MALAT1: variants seen among roughly 807,000 people sequenced by gnomAD.
MALAT1 encodes the protein metastasis associated lung adenocarcinoma transcript 1.
exon 3 of MALAT1, chr11:65,501,562 A>C (rs1462328558): frequency 1.9e-6 from 1 of 518,576 alleles, no homozygotes; most frequent in South Asian, 1.4e-5. Flanking sequence ...AGGGTGGGGG[A>C]GAAAATGTTT....
At chr11:65,502,711 C>T (rs1854578765) in exon 3 of MALAT1, 5 of 510,956 alleles carry the variant, frequency 9.8e-6, no homozygotes, top group Non-Finnish European at 1.9e-5. Flanking sequence ...GAAAACAGCT[C>T]CTTGGTGAAT....
intron 3 of MALAT1, chr11:65,504,463 A>G (rs906292295): frequency 5.8e-6 from 3 of 518,856 alleles, no homozygotes; most frequent in South Asian, 1.4e-5. Context: ...GTGTTCCCCA[A>G]TGCTTGGAGT....
chr11:65,504,025 A>G (rs772924377), intron 3 of MALAT1: 1 of 518,048 alleles, frequency 1.9e-6, no homozygotes, highest in South Asian at 1.4e-5. Context: ...TTGCATGTTA[A>G]CTTTAAATGC....
At chr11:65,498,899 G>A (rs746842464) in intron 2 of MALAT1, 5 of 518,336 alleles carry the variant, frequency 9.6e-6, no homozygotes, top group African/African-American at 1.9e-5. Flanking sequence ...AAGCTGTTAA[G>A]AAAAATCTAG....
chr11:65,504,873 G>GA (rs1565056665), intron 3 of MALAT1: 1 of 518,502 alleles, frequency 1.9e-6, no homozygotes, highest in Non-Finnish European at 3.9e-6. Context: ...GACCCAGTAA[G>GA]AAAAAATAGC....
At chr11:65,498,449 A>G (rs775814060) in intron 1 of MALAT1, 3 of 518,550 alleles carry the variant, frequency 5.8e-6, no homozygotes, top group South Asian at 2.8e-5. Flanking sequence ...GTTTTCCAAG[A>G]GTGGGTTTTC....
At chr11:65,498,572 G>C in intron 1 of MALAT1, 1 of 518,786 alleles carries the variant, frequency 1.9e-6, no homozygotes, top group Non-Finnish European at 3.8e-6. Flanking sequence ...GCAGTTGGGG[G>C]AGAAAGTCCG....
chr11:65,503,217 T>C (rs372419796), exon 3 of MALAT1: 16 of 513,888 alleles, frequency 3.1e-5, no homozygotes, highest in Non-Finnish European at 5.8e-5. Context: ...ATCTGCAGTA[T>C]TGCATGTTAG....
At chr11:65,502,653 A>G (rs1565053980) in exon 3 of MALAT1, 1 of 481,416 alleles carries the variant, frequency 2.1e-6, no homozygotes, top group Non-Finnish European at 4.0e-6. Flanking sequence ...TTCAGATAAC[A>G]TCTTCTGAGT....
exon 3 of MALAT1, chr11:65,499,313 T>C: frequency 2.0e-6 from 1 of 509,500 alleles, no homozygotes; most frequent in Non-Finnish European, 3.9e-6. Flanking sequence ...GAGGTTGAGA[T>C]GAAGCTTCTT....
intron 3 of MALAT1, chr11:65,504,930 T>G (rs754918711): frequency 3.9e-6 from 2 of 518,866 alleles, no homozygotes; most frequent in Non-Finnish European, 7.7e-6. Context: ...ATGTGGGGAT[T>G]GGGAACCACT....
chr11:65,503,316 T>C (rs777601312), exon 3 of MALAT1: 1 of 518,566 alleles, frequency 1.9e-6, no homozygotes, highest in South Asian at 1.4e-5. Flanking sequence ...GATTTCAGGA[T>C]TGAGAAATTT....
At chr11:65,503,719 A>G (rs1340335199) in exon 3 of MALAT1, 1 of 517,570 alleles carries the variant, frequency 1.9e-6, no homozygotes, top group Non-Finnish European at 3.9e-6. Flanking sequence ...ATTCTTCTCT[A>G]ATCTTTCAGA....
exon 3 of MALAT1, chr11:65,502,800 T>G: frequency 3.9e-6 from 2 of 513,716 alleles, no homozygotes; most frequent in Non-Finnish European, 3.9e-6. Flanking sequence ...TTACTACTGA[T>G]GAGAACATTA....
At chr11:65,500,898 T>C (rs1854530947) in exon 3 of MALAT1, 1 of 515,812 alleles carries the variant, frequency 1.9e-6, no homozygotes, top group Non-Finnish European at 3.9e-6. Flanking sequence ...TAGGCCGATT[T>C]CCGGGTGTTG....
exon 3 of MALAT1, chr11:65,502,115 G>T (rs779863684): frequency 3.9e-6 from 2 of 515,866 alleles, no homozygotes; most frequent in Admixed American, 3.9e-5. Flanking sequence ...GGCAAGGAAA[G>T]TGTCATAATT....
intron 1 of MALAT1, chr11:65,498,381 G>A (rs772680903): frequency 1.9e-6 from 1 of 518,458 alleles, no homozygotes; most frequent in Non-Finnish European, 3.8e-6. Flanking sequence ...TGGGCCACTG[G>A]CAGCCAACGG....
In MALAT1 at chr11:65,500,806, T is replaced by C. The variant is rs759599559; in HGVS notation, n.2069T>C. The C allele has an allele frequency of 2.9e-5, 15 of 518,722 alleles. No individual in the cohort carries two copies. In the East Asian group the frequency reaches 7.1e-4, roughly 24 times the overall value. 32.1% of individuals were successfully genotyped at this position (518,722 alleles called of 1,614,324 possible). A position where few individuals can be genotyped will look rare whatever the true frequency, so the allele number is the denominator to read the frequency against. ...CGGCAATATGTTGTTTTTCTGGAAC[T>C]TACTTATGGTAACCTTTTATTTATT... On this transcript the variant is annotated non_coding_transcript_exon_variant, in exon 3 of 4. Transcript: ENST00000619449.
At chr11:65,500,028 C>T in exon 3 of MALAT1, 1 of 429,608 alleles carries the variant, frequency 2.3e-6, no homozygotes, top group South Asian at 1.7e-5. Flanking sequence ...TTTAAAAGCC[C>T]ATCAATTTAA....
Sources: allele counts gnomAD v4.1 joint callset, GRCh38; gene constraint gnomAD v4.1.1; transcripts MANE v1.5; gene names NCBI Gene and HGNC (gene_info 2026-07-23, HGNC 2026-07-21).